The following GDA variants were observed in gnomAD, a reference collection of about 807,000 sequenced individuals.
GDA encodes guanine deaminase, also known as cytoplasmic PSD-95 interactor.
Under a neutral mutation model 59.6 loss-of-function variants are expected in GDA, and 18 were observed. The ratio of observed to expected loss-of-function variants is 0.30; its 90% CI spans 0.21 to 0.45. GDA has a LOEUF of 0.45. Among genes scored for constraint, GDA ranks in the 20% least tolerant of loss-of-function variants. The probability of loss-of-function intolerance (pLI) is 1.00; values close to 1 mark genes in which losing one functional copy is unlikely to be tolerated. For synonymous variants in GDA, 201 were observed against 201.1 expected, an observed-to-expected ratio of 1.00 and a Z score of 0.00; for missense variants, 427 against 552.3, an observed-to-expected ratio of 0.77 and a Z score of 2.27.
At position 72,201,868 on chromosome 9, in the gene GDA, A is replaced by C. The variant is rs187976317; in HGVS notation, c.213-703A>C. On this transcript the variant is annotated intron_variant, in intron 2 of 13. Coordinates refer to ENST00000358399, the MANE Select transcript of GDA (RefSeq NM_004293.5). Reference sequence around the variant, plus strand: ...TAGAAATATGAATATTAATTGGTGGATCATGGTGGTAGCATTAGTGATCAC... The same window carrying C: ...TAGAAATATGAATATTAATTGGTGGCTCATGGTGGTAGCATTAGTGATCAC... Among the ~76,000 whole-genome samples the C allele has an allele frequency of 7.9e-5, 12 of 152,274 alleles. No individual in the cohort carries two copies. The East Asian group carries it at 2.3e-3, about 29-fold the overall frequency.
intron 1 of GDA, among the ~76,000 whole-genome samples, chr9:72,118,906 ATT>A (rs1825564196): frequency 6.6e-6 from 1 of 152,198 alleles, no homozygotes; most frequent in Non-Finnish European, 1.5e-5. Flanking sequence ...CAGGGACTGT[ATT>A]TGTCCCACTT....
At chr9:72,228,120 C>A in intron 9 of GDA, 80 bp downstream of exon 9, 2 of 795,512 alleles carry the variant, frequency 2.5e-6, no homozygotes, top group South Asian at 3.0e-5. Flanking sequence ...TTTCCTCTGT[C>A]ATTCCTCCAG....
At chr9:72,202,264 G>A (rs1030873495) in intron 2 of GDA, among the ~76,000 whole-genome samples, 1 of 152,156 alleles carries the variant, frequency 6.6e-6, no homozygotes, top group Non-Finnish European at 1.5e-5. Flanking sequence ...GATTAAATCA[G>A]AGTTCCCGTC....
At chr9:72,226,377 T>C (rs2131610163) in intron 8 of GDA, among the ~76,000 whole-genome samples, 1 of 152,330 alleles carries the variant, frequency 6.6e-6, no homozygotes, top group East Asian at 1.9e-4. Context: ...TATAGATGCA[T>C]GCTTACTTAG....
intron 10 of GDA, among the ~76,000 whole-genome samples, 194 bp from the exon 11 acceptor site, chr9:72,240,958 T>C (rs1165666522): frequency 6.6e-6 from 1 of 152,244 alleles, no homozygotes; most frequent in Admixed American, 6.5e-5. Context: ...CTAATACAAG[T>C]ATGCATTTGA....
rs547883377 is a variant in GDA at position 72,246,186 on chromosome 9, C to T, written c.1266+908C>T. ...TTTTGAGACGGAGTTTTGCTCTTGT[C>T]GCCCAGGCTGGAGTGCAATGGCATG... On this transcript the variant is annotated intron_variant, in intron 12 of 13. Coordinates refer to ENST00000358399, the MANE Select transcript of GDA (RefSeq NM_004293.5). Among the ~76,000 whole-genome samples the T allele has an allele frequency of 6.9e-4, 105 of 152,270 alleles. 2 individuals are homozygous for T. The highest frequency in any genetic ancestry group is 2.2e-3 in the African/African-American group (93 of 41,558).
At position 72,216,649 on chromosome 9, in the gene GDA, G is replaced by A. The variant is rs189392231; in HGVS notation, c.578+2658G>A. On this transcript the variant is annotated intron_variant, in intron 5 of 13. Coordinates refer to ENST00000358399, the MANE Select transcript of GDA (RefSeq NM_004293.5). The stretch of plus-strand genomic sequence containing the variant: ...AAATTCATGGAGACAGAACACCAGC[G>A]ATTGCCTGGGGCTGGAAGTAGGAAA... 1.2e-4 allele frequency among the ~76,000 whole-genome samples: 18 copies of A among 152,046 alleles called. No homozygotes were observed. The South Asian group carries it at 1.5e-3, about 12-fold the overall frequency.
intron 1 of GDA, among the ~76,000 whole-genome samples, chr9:72,192,557 A>T (rs1832687084): frequency 2.0e-5 from 3 of 149,870 alleles, no homozygotes; most frequent in South Asian, 2.1e-4. Context: ...AAGCTCACAA[A>T]TTTTTTCTTC....
chr9:72,200,502 T>A (rs1408069720), intron 2 of GDA, among the ~76,000 whole-genome samples: 1 of 152,030 alleles, frequency 6.6e-6, no homozygotes, highest in Non-Finnish European at 1.5e-5. Context: ...ACCCGTAACC[T>A]CCTCAACTAG....
At chr9:72,189,166 CTTT>C (rs71493640) in intron 1 of GDA, among the ~76,000 whole-genome samples, 1 of 54,938 alleles carries the variant, frequency 1.8e-5, no homozygotes, top group Non-Finnish European at 3.3e-5. Context: ...AGACTCTAGA[CTTT>C]TTTTTTTTTT....
rs187283709 is a variant in GDA, at chr9:72,199,209, G to A, written c.213-3362G>A. Among the ~76,000 whole-genome samples, 151 of 152,246 alleles carry A rather than the reference G, an allele frequency of 9.9e-4. 1 individual carries two copies. Among genetic ancestry groups the A allele is most frequent in the African/African-American group, 3.4e-3 (143 of 41,532 alleles). On this transcript the variant is annotated intron_variant, in intron 2 of 13. Coordinates refer to ENST00000358399, the MANE Select transcript of GDA (RefSeq NM_004293.5). ...TTTGTTCTCTCTATAAAATGAGCAG[G>A]TGGGCTCACTGACCTCTAATCTCAT...
At chr9:72,186,893 T>C (rs993657183) in intron 1 of GDA, among the ~76,000 whole-genome samples, 4 of 152,304 alleles carry the variant, frequency 2.6e-5, no homozygotes, top group African/African-American at 7.2e-5. Context: ...TATCTCTCCA[T>C]TGGAACCCAC....
chr9:72,129,964 C>T (rs1825971622), intron 1 of GDA, among the ~76,000 whole-genome samples: 2 of 152,164 alleles, frequency 1.3e-5, no homozygotes, highest in African/African-American at 4.8e-5. Flanking sequence ...ATTTCATCCC[C>T]TGGAAGTTTC....
chr9:72,160,787 C>A (rs953671914), intron 1 of GDA, among the ~76,000 whole-genome samples: 3 of 152,212 alleles, frequency 2.0e-5, no homozygotes, highest in Non-Finnish European at 2.9e-5. Context: ...CCTGGCCTTG[C>A]TGACTGTTTG....
intron 3 of GDA, among the ~76,000 whole-genome samples, chr9:72,203,447 T>C (rs1229690230): frequency 3.9e-5 from 6 of 152,138 alleles, no homozygotes; most frequent in Admixed American, 6.5e-5. Flanking sequence ...ACAGTGGCAG[T>C]AGTGTGTACC....
At chr9:72,210,470 T>C (rs1472388232) in intron 3 of GDA, among the ~76,000 whole-genome samples, 2 of 152,188 alleles carry the variant, frequency 1.3e-5, no homozygotes, top group African/African-American at 4.8e-5. Context: ...CAGAACTGTG[T>C]GAATCGAGAA....
At chr9:72,186,838 T>A (rs941124972) in intron 1 of GDA, among the ~76,000 whole-genome samples, 5 of 152,150 alleles carry the variant, frequency 3.3e-5, no homozygotes, top group African/African-American at 1.2e-4. Flanking sequence ...CCAACCACTG[T>A]CCAAGTTCTG....
At chr9:72,180,086 C>T (rs539418562) in intron 1 of GDA, among the ~76,000 whole-genome samples, 1 of 152,008 alleles carries the variant, frequency 6.6e-6, no homozygotes, top group South Asian at 2.1e-4. Context: ...CATCCGGGCG[C>T]GGTGGCTCAC....
intron 1 of GDA, among the ~76,000 whole-genome samples, chr9:72,126,095 T>C (rs1825837756): frequency 6.6e-6 from 1 of 152,060 alleles, no homozygotes; most frequent in Admixed American, 6.6e-5. Context: ...TTTTTGTATT[T>C]TTAGTACAGA....
Sources: allele counts gnomAD v4.1 joint callset (sites outside exome capture counted in the v4.1 genomes callset), GRCh38; gene constraint gnomAD v4.1.1; transcripts MANE v1.5; gene names NCBI Gene and HGNC (gene_info 2026-07-23, HGNC 2026-07-21).